The following DIAPH3 variants were observed in gnomAD, a reference collection of about 807,000 sequenced individuals.
DIAPH3 encodes the protein diaphanous related formin 3.
Under a neutral mutation model 144.3 loss-of-function variants are expected in DIAPH3, and 117 were observed. The ratio of observed to expected loss-of-function variants is 0.81; its 90% CI spans 0.70 to 0.95. The LOEUF (loss-of-function observed/expected upper bound fraction) is 0.95, where lower values mean the gene tolerates loss of function less well. Among genes scored for constraint, DIAPH3 ranks in the 40% least tolerant of loss-of-function variants. The pLI, the probability that DIAPH3 is intolerant of heterozygous loss-of-function variation, is 0.00. For synonymous variants in DIAPH3, 519 were observed against 488.9 expected (o/e 1.06, Z -0.81); for missense variants, 1,421 against 1,412.7 (o/e 1.01, Z -0.09).
chr13:59,929,128 G>A (rs980164469), intron 17 of DIAPH3, among the ~76,000 whole-genome samples: 7 of 152,142 alleles, frequency 4.6e-5, no homozygotes, highest in African/African-American at 1.2e-4. Context: ...GAGCATTTCA[G>A]ATTAGAGAGA....
At position 59,988,306 on chromosome 13, in the gene DIAPH3, A is replaced by G. The variant is rs531322246; in HGVS notation, c.1361+2852T>C. Among the ~76,000 whole-genome samples, 3 of 152,012 alleles carry G rather than the reference A, an allele frequency of 2.0e-5. No individual in the cohort carries two copies. In the East Asian group the frequency reaches 5.8e-4, roughly 30 times the overall value. ...AACCACATTTACACGTGGTACATACATTTAAACACATTTACATCTATTACA... is the reference window on the plus strand; with the variant it reads ...AACCACATTTACACGTGGTACATACGTTTAAACACATTTACATCTATTACA... On this transcript the variant is annotated intron_variant, in intron 12 of 27. Coordinates refer to ENST00000400324, the MANE Select transcript of DIAPH3 (RefSeq NM_001042517.2).
chr13:59,780,145 C>T (rs1351499261), intron 25 of DIAPH3, among the ~76,000 whole-genome samples: 1 of 151,704 alleles, frequency 6.6e-6, no homozygotes, highest in Admixed American at 6.6e-5. Flanking sequence ...CAGGATGTTA[C>T]TAGGCACCAA....
chr13:59,757,566 A>C (rs1278979821), intron 27 of DIAPH3, among the ~76,000 whole-genome samples: 1 of 151,626 alleles, frequency 6.6e-6, no homozygotes, highest in Admixed American at 6.6e-5. Context: ...ACGCCCGGCT[A>C]ATTTTTTGTA....
intron 23 of DIAPH3, chr13:59,838,740 G>T (rs1294131485): frequency 6.5e-6 from 1 of 153,082 alleles, no homozygotes; most frequent in Non-Finnish European, 1.5e-5. Context: ...AGGAAATAAG[G>T]TATATGACAG....
chr13:59,872,806 T>A (rs2044359211), intron 21 of DIAPH3, among the ~76,000 whole-genome samples: 1 of 152,236 alleles, frequency 6.6e-6, no homozygotes. Context: ...CGAGGAGGAT[T>A]CAGAGGCTGG....
In DIAPH3 at chr13:59,774,718, T is replaced by C. The variant is rs775453234; in HGVS notation, c.3259+10A>G. 1.8e-5 allele frequency: 29 copies of C among 1,612,480 alleles called. No homozygotes were observed. The South Asian group carries it at 2.9e-4, about 16-fold the overall frequency. On this transcript the variant is annotated intron_variant, in intron 26 of 27. Coordinates refer to ENST00000400324, the MANE Select transcript of DIAPH3 (RefSeq NM_001042517.2). ...CCTAGAAAGTAACATGAAACAAGTA[T>C]AGGGTTCACCTTTTGGCATCGGTGT...
chr13:60,119,513 C>G (rs538523022), intron 2 of DIAPH3, among the ~76,000 whole-genome samples: 1 of 151,712 alleles, frequency 6.6e-6, no homozygotes, highest in Non-Finnish European at 1.5e-5. Context: ...TTTGGGAGGC[C>G]GAGGCGGGTG....
intron 17 of DIAPH3, 91 bp from the exon 18 acceptor site, chr13:59,924,961 A>T (rs1226546037): frequency 1.3e-6 from 2 of 1,497,558 alleles, no homozygotes; most frequent in Non-Finnish European, 1.8e-6. Flanking sequence ...AAATAAGCTA[A>T]AAAGGATGTA....
At chr13:60,151,957 G>T (rs965670567) in intron 1 of DIAPH3, among the ~76,000 whole-genome samples, 16 of 152,172 alleles carry the variant, frequency 1.1e-4, no homozygotes, top group Admixed American at 7.2e-4. Flanking sequence ...TCAATCAAAG[G>T]TTTTAATAAA....
At chr13:59,953,784 T>C (rs1216378651) in intron 17 of DIAPH3, among the ~76,000 whole-genome samples, 2 of 152,208 alleles carry the variant, frequency 1.3e-5, no homozygotes, top group Admixed American at 6.5e-5. Flanking sequence ...TCTTTTCGTA[T>C]GTGTGCATAC....
chr13:60,091,045 GAATT>G (rs1305341629), intron 4 of DIAPH3, among the ~76,000 whole-genome samples: 2 of 152,106 alleles, frequency 1.3e-5, no homozygotes, highest in African/African-American at 4.8e-5. Context: ...TCAAATTCAA[GAATT>G]AATATGAACT....
intron 27 of DIAPH3, among the ~76,000 whole-genome samples, chr13:59,678,364 G>A (rs2032755784): frequency 6.6e-6 from 1 of 152,124 alleles, no homozygotes; most frequent in Non-Finnish European, 1.5e-5. Flanking sequence ...TTACCTTAAA[G>A]AGAGTACTCA....
intron 27 of DIAPH3, among the ~76,000 whole-genome samples, chr13:59,711,483 C>T (rs1408360252): frequency 6.6e-6 from 1 of 152,130 alleles, no homozygotes; most frequent in Non-Finnish European, 1.5e-5. Context: ...GCTACCATCA[C>T]CATTACCACA....
rs548727547 is a variant in DIAPH3, at chr13:60,108,758, A to T, written c.390+3252T>A. On this transcript the variant is annotated intron_variant, in intron 3 of 27. Coordinates refer to ENST00000400324, the MANE Select transcript of DIAPH3 (RefSeq NM_001042517.2). The stretch of plus-strand genomic sequence containing the variant: ...GGGAAATAAACTTAAGAGCTAATGA[A>T]GATAGAGAAGTAAATGGATGTGACT... 3.3e-5 allele frequency among the ~76,000 whole-genome samples: 5 copies of T among 152,310 alleles called. No homozygotes were observed. In the East Asian group the frequency reaches 9.7e-4, roughly 29 times the overall value.
intron 27 of DIAPH3, among the ~76,000 whole-genome samples, chr13:59,770,184 C>T (rs975798824): frequency 1.3e-5 from 2 of 152,078 alleles, no homozygotes; most frequent in Non-Finnish European, 2.9e-5. Context: ...AGATGGGAAG[C>T]GGTTAACTGT....
intron 27 of DIAPH3, among the ~76,000 whole-genome samples, chr13:59,705,343 G>A (rs1038790217): frequency 2.0e-5 from 3 of 152,226 alleles, no homozygotes; most frequent in Non-Finnish European, 2.9e-5. Flanking sequence ...TTACTCCCAC[G>A]GTGCCACTCA....
intron 25 of DIAPH3, among the ~76,000 whole-genome samples, chr13:59,779,209 T>C (rs1435013527): frequency 6.6e-6 from 1 of 152,178 alleles, no homozygotes; most frequent in Non-Finnish European, 1.5e-5. Flanking sequence ...AATACAATAA[T>C]GAAGTAAAAC....
At chr13:60,046,263 C>A (rs979227388) in intron 4 of DIAPH3, among the ~76,000 whole-genome samples, 1 of 152,064 alleles carries the variant, frequency 6.6e-6, no homozygotes, top group African/African-American at 2.4e-5. Flanking sequence ...TTTATTATCA[C>A]TGAATAGGAT....
At chr13:60,037,792 C>T (rs7328615) in intron 5 of DIAPH3, among the ~76,000 whole-genome samples, 283 of 151,790 alleles carry the variant, frequency 1.9e-3, no homozygotes, top group African/African-American at 6.5e-3. Context: ...GTTAAAACTA[C>T]CAGATAAAGA....
Sources: allele counts gnomAD v4.1 joint callset (sites outside exome capture counted in the v4.1 genomes callset), GRCh38; gene constraint gnomAD v4.1.1; transcripts MANE v1.5; gene names NCBI Gene and HGNC (gene_info 2026-07-23, HGNC 2026-07-21).